Variants in CERKL observed in about 807,000 individuals in gnomAD.
CERKL encodes the protein ceramide kinase-like protein.
In CERKL, 61 loss-of-function variants were observed where a neutral mutation model predicts 63.4. That is an observed-to-expected ratio of 0.96 (90% CI 0.78 to 1.19). The LOEUF (loss-of-function observed/expected upper bound fraction) is 1.19. Ranked by LOEUF, CERKL falls within the 50% of genes most tolerant of loss-of-function variation. The pLI is 0.00. For missense variants in CERKL, 675 were observed against 655.5 expected, an observed-to-expected ratio of 1.03 and a Z score of -0.33; for synonymous variants, 250 against 230.5, an observed-to-expected ratio of 1.08 and a Z score of -0.77.
chr2:181,559,809 T>G (rs1044333898), intron 4 of CERKL, among the ~76,000 whole-genome samples: 1 of 152,154 alleles, frequency 6.6e-6, no homozygotes. Flanking sequence ...TTCCAGTCAG[T>G]TCCCACCATC....
At chr2:181,564,470 A>G (rs938292339) in intron 4 of CERKL, among the ~76,000 whole-genome samples, 3 of 152,176 alleles carry the variant, frequency 2.0e-5, no homozygotes, top group Non-Finnish European at 4.4e-5. Context: ...TTAGCTCTAC[A>G]CTGAAAAATA....
chr2:181,556,227 G>A (rs971451810), intron 5 of CERKL, among the ~76,000 whole-genome samples: 1 of 150,342 alleles, frequency 6.7e-6, no homozygotes, highest in Admixed American at 6.7e-5. Context: ...ATATATATAT[G>A]TTCATAAGGC....
intron 2 of CERKL, among the ~76,000 whole-genome samples, chr2:181,596,816 A>C (rs1420812263): frequency 6.6e-6 from 1 of 152,188 alleles, no homozygotes; most frequent in African/African-American, 2.4e-5. Context: ...AGACTTTTAA[A>C]GAAAGCCCAT....
At chr2:181,603,753 T>A in intron 2 of CERKL, 84 bp downstream of exon 2, 1 of 1,352,358 alleles carries the variant, frequency 7.4e-7, no homozygotes, top group Non-Finnish European at 1.1e-6. Flanking sequence ...ATCACTAAAG[T>A]TGTTTTTACT....
chr2:181,631,338 C>A (rs1686945456), intron 1 of CERKL, among the ~76,000 whole-genome samples: 2 of 152,064 alleles, frequency 1.3e-5, no homozygotes, highest in African/African-American at 4.8e-5. Context: ...GCTTCCAAAC[C>A]CAGGAGAAAT....
intron 2 of CERKL, among the ~76,000 whole-genome samples, chr2:181,598,473 C>T (rs1220499717): frequency 3.9e-5 from 6 of 152,014 alleles, no homozygotes; most frequent in South Asian, 4.2e-4. Flanking sequence ...CAACCAGCGA[C>T]CCCAAAGGCC....
chr2:181,573,288 T>G (rs373614490), intron 3 of CERKL, among the ~76,000 whole-genome samples: 23 of 152,282 alleles, frequency 1.5e-4, no homozygotes, highest in African/African-American at 5.1e-4. Context: ...ATCTCTAAAT[T>G]CATCTATTAA....
intron 8 of CERKL, chr2:181,548,057 A>T: frequency 1.6e-6 from 1 of 610,804 alleles, no homozygotes; most frequent in Non-Finnish European, 2.9e-6. Context: ...CTAGTATTAT[A>T]AGGAATAATA....
intron 2 of CERKL, among the ~76,000 whole-genome samples, chr2:181,584,869 A>G (rs1168477583): frequency 2.6e-5 from 4 of 151,572 alleles, no homozygotes; most frequent in Admixed American, 2.6e-4. Context: ...AAACTCATAC[A>G]AAGCTTGTAA....
At chr2:181,646,491 G>T (rs1427261261) in intron 1 of CERKL, among the ~76,000 whole-genome samples, 1 of 152,208 alleles carries the variant, frequency 6.6e-6, no homozygotes, top group Non-Finnish European at 1.5e-5. Flanking sequence ...AGTCTACGGA[G>T]CAAGGAAAGT....
chr2:181,638,917 G>C (rs1335201337), intron 1 of CERKL, among the ~76,000 whole-genome samples: 1 of 152,046 alleles, frequency 6.6e-6, no homozygotes, highest in Admixed American at 6.6e-5. Context: ...GGCCATCCCA[G>C]TCTGAAGGTT....
chr2:181,588,677 A>T (rs1684863642), intron 2 of CERKL, among the ~76,000 whole-genome samples: 1 of 152,120 alleles, frequency 6.6e-6, no homozygotes, highest in Non-Finnish European at 1.5e-5. Flanking sequence ...TCTCTTTTCC[A>T]TCACAGCTAT....
At chr2:181,559,381 T>C (rs992155200) in intron 4 of CERKL, among the ~76,000 whole-genome samples, 15 of 152,198 alleles carry the variant, frequency 9.9e-5, no homozygotes, top group African/African-American at 3.6e-4. Context: ...CAGAAATTCA[T>C]TTCATAATCA....
At chr2:181,652,067 G>T (rs1687962048) in intron 1 of CERKL, among the ~76,000 whole-genome samples, 1 of 152,036 alleles carries the variant, frequency 6.6e-6, no homozygotes, top group African/African-American at 2.4e-5. Context: ...TTGTTAAAAT[G>T]GCCATACTAC....
At chr2:181,580,703 A>T (rs1684464671) in intron 2 of CERKL, among the ~76,000 whole-genome samples, 1 of 152,202 alleles carries the variant, frequency 6.6e-6, no homozygotes, top group South Asian at 2.1e-4. Context: ...AGTAACACTG[A>T]TCTCTAGTTT....
intron 1 of CERKL, among the ~76,000 whole-genome samples, chr2:181,630,854 G>C (rs527890487): frequency 6.6e-6 from 1 of 152,296 alleles, no homozygotes; most frequent in South Asian, 2.1e-4. Flanking sequence ...AGGGTGACCT[G>C]TTGTCGTATT....
intron 1 of CERKL, among the ~76,000 whole-genome samples, chr2:181,651,272 C>G (rs778133531): frequency 6.6e-6 from 1 of 152,170 alleles, no homozygotes; most frequent in Non-Finnish European, 1.5e-5. Context: ...CAAAAATTCT[C>G]AAGATATTAG....
intron 1 of CERKL, among the ~76,000 whole-genome samples, chr2:181,626,750 G>C (rs1042282726): frequency 2.0e-5 from 3 of 152,222 alleles, no homozygotes; most frequent in African/African-American, 7.2e-5. Context: ...ATACAAATCA[G>C]AAGAGGATAA....
chr2:181,549,757 A>C lies in CERKL; in HGVS notation c.821-49T>G, dbSNP rs374915255. The stretch of plus-strand genomic sequence containing the variant: ...GCACTATTAGGGTAGAATGTGTTCA[A>C]ACTAACATTTGCTTTTACTTTATGT... On this transcript the variant is annotated intron_variant, in intron 5 of 12. Coordinates refer to ENST00000410087, the MANE Select transcript of CERKL (RefSeq NM_201548.5). The C allele has an allele frequency of 3.3e-6, 4 of 1,228,010 alleles. No homozygotes were observed. In the African/African-American group the frequency reaches 5.9e-5, roughly 18 times the overall value. 76.1% of individuals were successfully genotyped at this position (1,228,010 alleles called of 1,614,324 possible).
Sources: gnomAD v4.1 joint callset for allele counts (sites outside exome capture counted in the v4.1 genomes callset) on GRCh38, gnomAD v4.1.1 for gene constraint, MANE v1.5 for transcripts, NCBI Gene and HGNC (gene_info 2026-07-23, HGNC 2026-07-21) for gene names.